Variants in PCDH9 observed in about 807,000 individuals in gnomAD.
PCDH9 encodes protocadherin 9, also known as protocadherin-9.
PCDH9 carries 24 observed loss-of-function variants against 70.6 expected under a neutral mutation model. That is an observed-to-expected ratio of 0.34 (90% CI 0.25 to 0.48). PCDH9 has a LOEUF of 0.48. Ranked by LOEUF, PCDH9 falls within the 20% of genes least tolerant of loss-of-function variation. PCDH9 has a pLI of 0.99. For synonymous variants in PCDH9, 562 were observed against 558.5 expected (o/e 1.01, Z -0.09); for missense variants, 1,281 against 1,503.6 (o/e 0.85, Z 2.45).
chr13:66,708,450 G>T (rs1350876204), intron 3 of PCDH9, among the ~76,000 whole-genome samples: 1 of 148,608 alleles, frequency 6.7e-6, no homozygotes, highest in African/African-American at 2.5e-5. Flanking sequence ...AAATGGCTAG[G>T]TAACAACTGA....
intron 3 of PCDH9, among the ~76,000 whole-genome samples, chr13:66,669,422 TTCTA>T (rs2078142275): frequency 6.6e-6 from 1 of 151,732 alleles, no homozygotes; most frequent in Non-Finnish European, 1.5e-5. Flanking sequence ...GAGAGCAGTC[TTCTA>T]TCTTTTTTTT....
intron 4 of PCDH9, among the ~76,000 whole-genome samples, chr13:66,368,442 A>G (rs1030241519): frequency 6.6e-6 from 1 of 151,916 alleles, no homozygotes; most frequent in South Asian, 2.1e-4. Context: ...AAAATAAGTG[A>G]CACCCCCAAT....
At chr13:66,787,911 C>T (rs1404941025) in intron 3 of PCDH9, among the ~76,000 whole-genome samples, 2 of 152,142 alleles carry the variant, frequency 1.3e-5, no homozygotes, top group Non-Finnish European at 2.9e-5. Flanking sequence ...GAGGAGAGTT[C>T]TCCAAAGATA....
chr13:66,601,969 T>C (rs2077170604), intron 4 of PCDH9, among the ~76,000 whole-genome samples: 1 of 145,976 alleles, frequency 6.9e-6, no homozygotes, highest in East Asian at 1.9e-4. Context: ...GTATTTACTA[T>C]ATTTTACTCT....
chr13:66,326,439 A>T (rs1223346319), intron 4 of PCDH9, among the ~76,000 whole-genome samples: 1 of 149,908 alleles, frequency 6.7e-6, no homozygotes, highest in Non-Finnish European at 1.5e-5. Context: ...AAAAAAACAC[A>T]CCAGAGTCTT....
chr13:66,841,865 G>A (rs1003724656), intron 3 of PCDH9, among the ~76,000 whole-genome samples: 1 of 152,102 alleles, frequency 6.6e-6, no homozygotes, highest in Admixed American at 6.6e-5. Flanking sequence ...AAGTACTTGG[G>A]AAAATATACA....
intron 2 of PCDH9, among the ~76,000 whole-genome samples, chr13:67,108,219 A>G (rs2086586123): frequency 6.6e-6 from 1 of 152,174 alleles, no homozygotes; most frequent in Non-Finnish European, 1.5e-5. Flanking sequence ...AGCAGGCATG[A>G]GCAATACTCA....
intron 4 of PCDH9, among the ~76,000 whole-genome samples, chr13:66,593,640 A>G (rs2077065074): frequency 6.6e-6 from 1 of 151,768 alleles, no homozygotes; most frequent in African/African-American, 2.4e-5. Context: ...TTTCTCCAGT[A>G]CCTCAAAAGC....
At chr13:66,820,743 G>A (rs2139380252) in intron 3 of PCDH9, among the ~76,000 whole-genome samples, 1 of 152,246 alleles carries the variant, frequency 6.6e-6, no homozygotes, top group Admixed American at 6.5e-5. Flanking sequence ...CAAACTAACA[G>A]AGGGACAGAA....
chr13:66,866,895 C>T (rs2081586104), intron 3 of PCDH9, among the ~76,000 whole-genome samples: 1 of 152,094 alleles, frequency 6.6e-6, no homozygotes, highest in South Asian at 2.1e-4. Flanking sequence ...TTCTGAAATA[C>T]AGTAAGTCTT....
chr13:66,623,809 C>T (rs1028055366), intron 4 of PCDH9, among the ~76,000 whole-genome samples: 1 of 152,098 alleles, frequency 6.6e-6, no homozygotes, highest in Non-Finnish European at 1.5e-5. Flanking sequence ...ATCTAATTTA[C>T]AGTATTAGTG....
At chr13:67,053,688 T>C (rs1287853873) in intron 2 of PCDH9, among the ~76,000 whole-genome samples, 2 of 152,182 alleles carry the variant, frequency 1.3e-5, no homozygotes, top group East Asian at 3.9e-4. Context: ...GAATAAGGTG[T>C]ATGATTTGCC....
chr13:66,536,639 A>T (rs1043413711), intron 4 of PCDH9, among the ~76,000 whole-genome samples: 2 of 152,140 alleles, frequency 1.3e-5, no homozygotes, highest in Non-Finnish European at 2.9e-5. Flanking sequence ...GAAAAATGTT[A>T]ACTGAATTCT....
chr13:67,158,222 T>C (rs1247283503), intron 2 of PCDH9, among the ~76,000 whole-genome samples: 1 of 152,188 alleles, frequency 6.6e-6, no homozygotes, highest in Non-Finnish European at 1.5e-5. Context: ...AACATATGCA[T>C]CCTCATTTTG....
intron 4 of PCDH9, among the ~76,000 whole-genome samples, chr13:66,461,556 A>T (rs1958426034): frequency 6.6e-6 from 1 of 151,764 alleles, no homozygotes; most frequent in Non-Finnish European, 1.5e-5. Flanking sequence ...TGCAAAAAAA[A>T]AAAGAAAATC....
At chr13:67,004,035 A>T (rs1241993224) in intron 2 of PCDH9, among the ~76,000 whole-genome samples, 1 of 152,144 alleles carries the variant, frequency 6.6e-6, no homozygotes, top group Non-Finnish European at 1.5e-5. Context: ...TGAGAAACTG[A>T]GAAGAGAAAA....
chr13:66,476,438 G>T (rs1057117181), intron 4 of PCDH9, among the ~76,000 whole-genome samples: 1 of 152,010 alleles, frequency 6.6e-6, no homozygotes, highest in East Asian at 1.9e-4. Context: ...TATATATGAC[G>T]TTTCAATCTT....
In PCDH9 at chr13:66,554,524, A is replaced by AT. The variant is rs1470307498; in HGVS notation, c.3340+76685dup. On this transcript the variant is annotated intron_variant, in intron 4 of 4. Transcript: ENST00000377865. ...TAGATATATAAATATACTATGAAAT[A>AT]TTTTTTCTGAATTAAAGTAAACTAA... Among the ~76,000 whole-genome samples, 7 of 152,206 alleles carry AT rather than the reference A, an allele frequency of 4.6e-5. No individual in the cohort carries two copies. In the East Asian group the frequency reaches 1.2e-3, roughly 25 times the overall value.
At chr13:66,719,370 G>A (rs183592194) in intron 3 of PCDH9, among the ~76,000 whole-genome samples, 408 of 152,238 alleles carry the variant, frequency 2.7e-3, no homozygotes, top group Non-Finnish European at 3.8e-3. Flanking sequence ...GATTATGGGG[G>A]AAGTAATTTA....
Sources: allele counts gnomAD v4.1 joint callset (sites outside exome capture counted in the v4.1 genomes callset), GRCh38; gene constraint gnomAD v4.1.1; transcripts MANE v1.5; gene names NCBI Gene and HGNC (gene_info 2026-07-23, HGNC 2026-07-21).